Variants in FAT3 observed in about 807,000 individuals in gnomAD.
FAT3 encodes FAT atypical cadherin 3.
A neutral mutation model predicts 310.2 loss-of-function variants in FAT3; 95 were observed. That is an observed-to-expected ratio of 0.31 (90% CI 0.26 to 0.36). The LOEUF (loss-of-function observed/expected upper bound fraction) is 0.36, where lower values mean the gene tolerates loss of function less well. Ranked by LOEUF, FAT3 falls within the 10% of genes least tolerant of loss-of-function variation. FAT3 has a pLI of 1.00. For synonymous variants in FAT3, 2,314 were observed against 2,192.9 expected, an observed-to-expected ratio of 1.06 and a Z score of -1.54; for missense variants, 5,408 against 5,715.6, an observed-to-expected ratio of 0.95 and a Z score of 1.74.
chr11:92,729,941 G>A (rs1945128154), intron 4 of FAT3, among the ~76,000 whole-genome samples: 1 of 152,046 alleles, frequency 6.6e-6, no homozygotes, highest in South Asian at 2.1e-4. Flanking sequence ...AGAGTCTAGT[G>A]GTTATCTCTG....
chr11:92,660,245 C>T (rs1942734772), intron 3 of FAT3, among the ~76,000 whole-genome samples: 1 of 151,544 alleles, frequency 6.6e-6, no homozygotes, highest in African/African-American at 2.4e-5. Context: ...TGATACGAAA[C>T]ACATGACCAT....
intron 12 of FAT3, 28 bp downstream of exon 12, chr11:92,806,543 A>G: frequency 6.6e-7 from 1 of 1,522,496 alleles, no homozygotes; most frequent in Non-Finnish European, 8.9e-7. Flanking sequence ...ATTGAGATAA[A>G]TGTCATTGTT....
chr11:92,597,590 C>A (rs1239772688), intron 3 of FAT3, among the ~76,000 whole-genome samples: 2 of 152,140 alleles, frequency 1.3e-5, no homozygotes, highest in African/African-American at 4.8e-5. Flanking sequence ...ATATTCCTTG[C>A]CTCCCTGGGA....
chr11:92,336,144 G>T, intron 1 of FAT3: 1 of 543,298 alleles, frequency 1.8e-6, no homozygotes, highest in South Asian at 1.5e-5. Context: ...TCTGCAGTGG[G>T]CCCACTCTCG....
chr11:92,460,093 A>T (rs948157104), intron 2 of FAT3, among the ~76,000 whole-genome samples: 1 of 152,136 alleles, frequency 6.6e-6, no homozygotes, highest in African/African-American at 2.4e-5. Context: ...TCCTCCAATG[A>T]TGCCTGCCTT....
At chr11:92,683,138 G>A (rs1043755648) in intron 3 of FAT3, among the ~76,000 whole-genome samples, 8 of 149,336 alleles carry the variant, frequency 5.4e-5, no homozygotes, top group Middle Eastern at 3.3e-3. Context: ...TATTGTGAGG[G>A]TTATTTACTT....
At chr11:92,842,496 A>G (rs1385414076) in intron 18 of FAT3, among the ~76,000 whole-genome samples, 4 of 152,212 alleles carry the variant, frequency 2.6e-5, no homozygotes, top group Admixed American at 2.6e-4. Flanking sequence ...TGCTAAAGTT[A>G]TATCCTTCTC....
Position 92,646,796 on chromosome 11 carries a change from A to G in FAT3, c.3608-50588A>G, listed in dbSNP as rs144523962. Among the ~76,000 whole-genome samples, 363 of 152,348 alleles carry G rather than the reference A, an allele frequency of 2.4e-3. 1 individual carries two copies. The highest frequency in any genetic ancestry group is 8.5e-3 in the African/African-American group (352 of 41,578). On this transcript the variant is annotated intron_variant, in intron 3 of 27. Coordinates refer to ENST00000525166, the MANE Select transcript of FAT3 (RefSeq NM_001367949.2). Reference sequence around the variant, plus strand: ...CAGATGTGCACCCAGAGTTGTCAACACTGATAACATTTATCTAGCAGCTGT... The same window carrying G: ...CAGATGTGCACCCAGAGTTGTCAACGCTGATAACATTTATCTAGCAGCTGT...
At chr11:92,629,788 C>G (rs1941486870) in intron 3 of FAT3, among the ~76,000 whole-genome samples, 1 of 152,150 alleles carries the variant, frequency 6.6e-6, no homozygotes, top group South Asian at 2.1e-4. Context: ...TCATCTAAAT[C>G]AGACTCCTGC....
intron 1 of FAT3, among the ~76,000 whole-genome samples, chr11:92,289,249 T>C (rs1044221726): frequency 6.6e-6 from 1 of 152,144 alleles, no homozygotes; most frequent in Admixed American, 6.5e-5. Context: ...TTCCAATTCA[T>C]GTCCACATTA....
intron 3 of FAT3, among the ~76,000 whole-genome samples, chr11:92,535,736 C>CTA (rs1372182605): frequency 6.6e-6 from 1 of 152,032 alleles, no homozygotes; most frequent in Non-Finnish European, 1.5e-5. Flanking sequence ...TTCTAAGTCT[C>CTA]TCATTGTTTC....
chr11:92,795,539 TTGGACCTGA>T (rs1445080726), intron 9 of FAT3, among the ~76,000 whole-genome samples: 3 of 151,954 alleles, frequency 2.0e-5, no homozygotes, highest in Non-Finnish European at 4.4e-5. Flanking sequence ...AGGGCCCACT[TTGGACCTGA>T]TGTATCAGCA....
At chr11:92,279,667 G>A (rs1325106406) in intron 1 of FAT3, among the ~76,000 whole-genome samples, 1 of 152,116 alleles carries the variant, frequency 6.6e-6, no homozygotes, top group Non-Finnish European at 1.5e-5. Flanking sequence ...ATCACCTTGA[G>A]TCTTTATCAT....
intron 20 of FAT3, 64 bp downstream of exon 20, chr11:92,857,412 A>G: frequency 6.2e-7 from 1 of 1,601,120 alleles, no homozygotes; most frequent in Non-Finnish European, 8.5e-7. Context: ...GCCCTTGAGT[A>G]AATTACACCA....
In FAT3 at chr11:92,836,601, A is replaced by G. The variant is rs538133131; in HGVS notation, c.10122A>G (p.Gly3374=). The change falls in exon 16 of 28, where the codon GGA becomes GGG. Residue 3374 remains glycine, a synonymous_variant. Transcript: ENST00000525166. ...IAEDVDSQPN[G]QIHFSIVNGD... is the part of the protein sequence containing the mutation. ...AAGATGTAGACAGCCAGCCCAACGG[A>G]CAGATTCATTTTTCCATTGTGAATG... The G allele has an allele frequency of 6.2e-7, 1 of 1,613,872 alleles. No homozygotes were observed. The highest frequency in any genetic ancestry group is 1.3e-5 in the African/African-American group (1 of 75,032).
In FAT3 at chr11:92,809,826, GC is replaced by G. The variant is rs1383945401; in HGVS notation, c.9248-15del. The G allele has an allele frequency of 6.3e-7, 1 of 1,598,444 alleles. No homozygotes were observed. Among genetic ancestry groups the G allele is most frequent in the African/African-American group, 1.3e-5 (1 of 74,732 alleles). On this transcript the variant is annotated splice_polypyrimidine_tract_variant and intron_variant, in intron 12 of 27. Transcript: ENST00000525166. ...TTTAAAAACTCAGACCAATCATGCT[GC>G]CATTTATTTTCACAGGCGAGTTAAA...
intron 2 of FAT3, among the ~76,000 whole-genome samples, chr11:92,502,430 G>C (rs889115899): frequency 6.6e-6 from 1 of 152,026 alleles, no homozygotes; most frequent in East Asian, 1.9e-4. Context: ...TTTTCACTCT[G>C]AATAACATCT....
At chr11:92,628,910 TCA>T (rs969718712) in intron 3 of FAT3, among the ~76,000 whole-genome samples, 17 of 151,766 alleles carry the variant, frequency 1.1e-4, no homozygotes, top group Admixed American at 2.0e-4. Context: ...ACACACACAC[TCA>T]CACACACACA....
At chr11:92,397,726 C>T (rs183632284) in intron 2 of FAT3, among the ~76,000 whole-genome samples, 2 of 151,948 alleles carry the variant, frequency 1.3e-5, no homozygotes, top group South Asian at 2.1e-4. Flanking sequence ...CCCCCGCTTG[C>T]GAACACGCCA....
Sources: allele counts gnomAD v4.1 joint callset (sites outside exome capture counted in the v4.1 genomes callset), GRCh38; gene constraint gnomAD v4.1.1; transcripts MANE v1.5; gene names NCBI Gene and HGNC (gene_info 2026-07-23, HGNC 2026-07-21).